The following GLDC variants were observed in gnomAD, a reference collection of about 807,000 sequenced individuals.
GLDC encodes glycine dehydrogenase (decarboxylating), mitochondrial.
In GLDC, 104 loss-of-function variants were observed where a neutral mutation model predicts 121.3. That is an observed-to-expected ratio of 0.86 (90% CI 0.73 to 1.01). The LOEUF (loss-of-function observed/expected upper bound fraction) is 1.01, where lower values mean the gene tolerates loss of function less well. Among genes scored for constraint, GLDC ranks in the 50% least tolerant of loss-of-function variants. GLDC has a pLI of 0.00. For missense variants in GLDC, 1,429 were observed against 1,306.6 expected (o/e 1.09, Z -1.44); for synonymous variants, 546 against 480.6 (o/e 1.14, Z -1.78).
At chr9:6,534,814 G>C in intron 23 of GLDC, 26 bp from the exon 24 acceptor site, 2 of 1,327,878 alleles carry the variant, frequency 1.5e-6, no homozygotes, top group Non-Finnish European at 2.2e-6. Flanking sequence ...GGACAGAGGA[G>C]GGGTCAGAGC....
chr9:6,632,608 A>G (rs1819407827), intron 2 of GLDC, among the ~76,000 whole-genome samples: 2 of 152,244 alleles, frequency 1.3e-5, no homozygotes, highest in Admixed American at 1.3e-4. Context: ...GGGGAAGAGG[A>G]CATGAAGAAT....
At chr9:6,535,550 T>A (rs1817108641) in intron 23 of GLDC, among the ~76,000 whole-genome samples, 1 of 152,046 alleles carries the variant, frequency 6.6e-6, no homozygotes, top group Admixed American at 6.6e-5. Context: ...ACTCCTGATC[T>A]TCCAGCTTAA....
chr9:6,589,391 T>A (rs1429818796), intron 11 of GLDC, 99 bp from the exon 12 acceptor site: 4 of 675,398 alleles, frequency 5.9e-6, no homozygotes, highest in Non-Finnish European at 1.1e-5. Flanking sequence ...GCACTCAAAA[T>A]GGATCAAATA....
At chr9:6,582,845 A>G (rs1050567260) in intron 15 of GLDC, among the ~76,000 whole-genome samples, 7 of 151,900 alleles carry the variant, frequency 4.6e-5, no homozygotes, top group African/African-American at 1.7e-4. Flanking sequence ...AAAAAAAAAG[A>G]ACTGCTATAA....
chr9:6,590,066 AG>A (rs1278242813), intron 11 of GLDC, among the ~76,000 whole-genome samples: 1 of 152,040 alleles, frequency 6.6e-6, no homozygotes, highest in Non-Finnish European at 1.5e-5. Flanking sequence ...AAAAAAAAAA[AG>A]AAAATATAGG....
intron 20 of GLDC, among the ~76,000 whole-genome samples, chr9:6,553,017 G>A (rs972643127): frequency 5.9e-5 from 9 of 152,062 alleles, no homozygotes; most frequent in Middle Eastern, 3.4e-3. Flanking sequence ...CTTTTCACTC[G>A]GAAGGGGCTA....
intron 20 of GLDC, among the ~76,000 whole-genome samples, chr9:6,553,028 T>C (rs777466122): frequency 9.2e-5 from 14 of 152,038 alleles, no homozygotes; most frequent in African/African-American, 2.4e-4. Flanking sequence ...GAAGGGGCTA[T>C]ATAAATCCTG....
intron 4 of GLDC, among the ~76,000 whole-genome samples, chr9:6,608,721 G>A (rs1315512078): frequency 2.0e-5 from 3 of 151,994 alleles, no homozygotes; most frequent in Non-Finnish European, 2.9e-5. Flanking sequence ...ACTCCAGCCC[G>A]GGCGAAAGAG....
At chr9:6,613,287 G>A (rs1477106421) in intron 3 of GLDC, among the ~76,000 whole-genome samples, 1 of 152,074 alleles carries the variant, frequency 6.6e-6, no homozygotes, top group South Asian at 2.1e-4. Flanking sequence ...TAACATTCAG[G>A]TGCATTTTTT....
intron 2 of GLDC, chr9:6,639,245 C>CACAA: frequency 2.3e-6 from 2 of 877,260 alleles, no homozygotes; most frequent in East Asian, 5.1e-5. Context: ...TCCACAGCCA[C>CACAA]AAAAAAAAAG....
rs1490114498 is a variant in GLDC at position 6,629,951 on chromosome 9, A to T, written c.335-9632T>A. On this transcript the variant is annotated intron_variant, in intron 2 of 24. Coordinates refer to ENST00000321612, the MANE Select transcript of GLDC (RefSeq NM_000170.3). Reference sequence around the variant, plus strand: ...TCACTATATATATATATATGTATATATATATATTTTTTTTTTTTAAGAGAG... The same window carrying T: ...TCACTATATATATATATATGTATATTTATATATTTTTTTTTTTTAAGAGAG... Among the ~76,000 whole-genome samples, 351 of 74,204 alleles carry T rather than the reference A, an allele frequency of 4.7e-3. 23 individuals are homozygous for T. The highest frequency in any genetic ancestry group is 0.026 in the African/African-American group (293 of 11,342). The allele number at this position is 74,204 out of a possible 152,430, so 48.7% of individuals were successfully genotyped here. A position where few individuals can be genotyped will look rare whatever the true frequency, so the allele number is the denominator to read the frequency against.
rs148214664 is a variant in GLDC at position 6,585,832 on chromosome 9, CTATG to C, written c.1850+1305_1850+1308del. 5.3e-3 allele frequency among the ~76,000 whole-genome samples: 788 copies of C among 148,170 alleles called. 4 individuals are homozygous for C. The highest frequency in any genetic ancestry group is 0.011 in the African/African-American group (445 of 39,676). On this transcript the variant is annotated intron_variant, in intron 15 of 24. Transcript: ENST00000321612. ...TGATTCCTGCCCATCTATCATTCAT[CTATG>C]TATGTATGTATGTATGTATGTATGT... is the stretch of plus-strand genomic sequence containing the variant.
At chr9:6,624,635 G>T (rs745608838) in intron 2 of GLDC, among the ~76,000 whole-genome samples, 7 of 152,150 alleles carry the variant, frequency 4.6e-5, no homozygotes, top group Non-Finnish European at 8.8e-5. Flanking sequence ...TAAAAAAACT[G>T]TATCAGTCAT....
intron 4 of GLDC, among the ~76,000 whole-genome samples, chr9:6,607,700 G>A (rs936883171): frequency 6.6e-6 from 1 of 152,016 alleles, no homozygotes; most frequent in African/African-American, 2.4e-5. Flanking sequence ...CTGGAGTGCA[G>A]TAGCGCCATC....
At chr9:6,576,659 G>T (rs536833196) in intron 15 of GLDC, among the ~76,000 whole-genome samples, 3 of 152,006 alleles carry the variant, frequency 2.0e-5, no homozygotes, top group Admixed American at 1.3e-4. Context: ...CAGAGATGGA[G>T]TTTCACTACG....
chr9:6,619,593 T>A (rs1819040312), intron 3 of GLDC, among the ~76,000 whole-genome samples: 1 of 151,822 alleles, frequency 6.6e-6, no homozygotes, highest in African/African-American at 2.4e-5. Context: ...CCGGGGGTGG[T>A]TGTGGGTGCC....
At chr9:6,556,105 TATCCA>T in intron 18 of GLDC, 43 bp downstream of exon 18, 3 of 1,511,254 alleles carry the variant, frequency 2.0e-6, no homozygotes, top group Admixed American at 3.4e-5. Flanking sequence ...TTTTTCCACA[TATCCA>T]TTTTCTCAGT....
At chr9:6,539,403 C>G (rs1041531126) in intron 22 of GLDC, among the ~76,000 whole-genome samples, 2 of 152,120 alleles carry the variant, frequency 1.3e-5, no homozygotes, top group Non-Finnish European at 2.9e-5. Flanking sequence ...CACTTGAACC[C>G]AGGAGGTGGA....
chr9:6,599,740 A>G (rs1818563739), intron 8 of GLDC, among the ~76,000 whole-genome samples: 1 of 149,960 alleles, frequency 6.7e-6, no homozygotes, highest in African/African-American at 2.5e-5. Flanking sequence ...AAAAACAACC[A>G]AAAAAACAAA....
Sources: gnomAD v4.1 joint callset for allele counts (sites outside exome capture counted in the v4.1 genomes callset) on GRCh38, gnomAD v4.1.1 for gene constraint, MANE v1.5 for transcripts, NCBI Gene and HGNC (gene_info 2026-07-23, HGNC 2026-07-21) for gene names.